LPCAT2: variants seen among roughly 807,000 people sequenced by gnomAD.
LPCAT2 encodes the protein 1-AGP acyltransferase 11.
Under a neutral mutation model 64.7 loss-of-function variants are expected in LPCAT2, and 58 were observed. The ratio of observed to expected loss-of-function variants is 0.90; its 90% CI spans 0.73 to 1.12. The LOEUF (loss-of-function observed/expected upper bound fraction) is 1.12, where lower values mean the gene tolerates loss of function less well. LPCAT2 is among the 50% of genes most tolerant of loss of function. The pLI, the probability that LPCAT2 is intolerant of heterozygous loss-of-function variation, is 0.00. For synonymous variants in LPCAT2, 252 were observed against 245.3 expected (o/e 1.03, Z -0.26); for missense variants, 579 against 669.8 (o/e 0.86, Z 1.50).
chr16:55,557,376 C>T (rs1334840060), intron 11 of LPCAT2, among the ~76,000 whole-genome samples: 1 of 151,400 alleles, frequency 6.6e-6, no homozygotes, highest in East Asian at 1.9e-4. Context: ...CTGAATTGTG[C>T]AATTGATGCC....
chr16:55,528,846 A>T (rs1029302255), intron 3 of LPCAT2, among the ~76,000 whole-genome samples: 2 of 152,180 alleles, frequency 1.3e-5, no homozygotes, highest in Non-Finnish European at 2.9e-5. Flanking sequence ...GTTCTTATAT[A>T]TAGCCAGAAA....
chr16:55,558,688 C>A (rs1299155082), intron 11 of LPCAT2, among the ~76,000 whole-genome samples: 1 of 152,164 alleles, frequency 6.6e-6, no homozygotes, highest in African/African-American at 2.4e-5. Flanking sequence ...GTGTCTGTTA[C>A]AACTATTCAT....
chr16:55,538,005 A>G (rs1195521016), intron 8 of LPCAT2, among the ~76,000 whole-genome samples: 7 of 152,220 alleles, frequency 4.6e-5, no homozygotes, highest in African/African-American at 1.7e-4. Context: ...AAGAGATGCT[A>G]CTTGGGGTCT....
Position 55,584,914 on chromosome 16 carries a change from CAG to C in LPCAT2, c.*1819_*1820del, listed in dbSNP as rs1963927801. 8.3e-6 allele frequency: 1 copy of C among 120,984 alleles called. No individual in the cohort carries two copies. The highest frequency in any genetic ancestry group is 3.1e-5 in the African/African-American group (1 of 32,676). 7.5% of individuals were successfully genotyped at this position (120,984 alleles called of 1,614,324 possible). On this transcript the variant is annotated 3_prime_UTR_variant, in exon 14 of 14. Coordinates refer to ENST00000262134, the MANE Select transcript of LPCAT2 (RefSeq NM_017839.5). ...AGTAATTAGAACAGTACATTTTTAT[CAG>C]AGTGTCTGTCATATGCAATGAATGT... is the stretch of plus-strand genomic sequence containing the variant.
At chr16:55,552,767 C>T (rs1963531681) in intron 11 of LPCAT2, among the ~76,000 whole-genome samples, 1 of 152,192 alleles carries the variant, frequency 6.6e-6, no homozygotes, top group Non-Finnish European at 1.5e-5. Context: ...TGTGAGCAAT[C>T]ATCTGAGCCT....
intron 4 of LPCAT2, among the ~76,000 whole-genome samples, chr16:55,530,542 G>T (rs1963239753): frequency 6.6e-6 from 1 of 152,076 alleles, no homozygotes; most frequent in Admixed American, 6.6e-5. Context: ...GATTCTAATA[G>T]TCACTCCTTT....
intron 11 of LPCAT2, among the ~76,000 whole-genome samples, chr16:55,556,317 AG>A (rs1963573979): frequency 6.6e-6 from 1 of 152,278 alleles, no homozygotes; most frequent in Admixed American, 6.5e-5. Flanking sequence ...CCAGGACAGG[AG>A]ATAGGGAAAT....
chr16:55,549,392 C>T lies in LPCAT2; in HGVS notation c.1051C>T (p.Arg351Ter), dbSNP rs1360979777. ...AGLVEFTKISRKLKLDWDGVR... is the reference protein window; with the variant it reads ...AGLVEFTKIS ...GCTGGTGGAATTTACTAAAATTAGCCGAAAATTGAAGTAAGTGTATTTTAA... is the reference window on the plus strand; with the variant it reads ...GCTGGTGGAATTTACTAAAATTAGCTGAAAATTGAAGTAAGTGTATTTTAA... The change falls in exon 10 of 14, where the codon CGA (arginine) becomes TGA (stop). Residue 351 changes from arginine (R) to a stop codon, truncating the protein, a stop_gained. Coordinates refer to ENST00000262134, the MANE Select transcript of LPCAT2 (RefSeq NM_017839.5). LOFTEE classifies it high-confidence loss of function. 8 of 1,586,604 alleles carry T rather than the reference C, an allele frequency of 5.0e-6. No homozygotes were observed. The highest frequency in any genetic ancestry group is 3.5e-5 in the South Asian group (3 of 85,268).
chr16:55,513,435 G>GA (rs1448165443), intron 1 of LPCAT2, among the ~76,000 whole-genome samples: 1 of 150,982 alleles, frequency 6.6e-6, no homozygotes, highest in East Asian at 1.9e-4. Flanking sequence ...AAAGCAGAAT[G>GA]AAAAAAACTG....
intron 1 of LPCAT2, among the ~76,000 whole-genome samples, chr16:55,511,117 T>G (rs781510529): frequency 1.3e-5 from 2 of 152,178 alleles, no homozygotes; most frequent in Non-Finnish European, 2.9e-5. Context: ...CATTGGAATA[T>G]TAATAACTCA....
At chr16:55,567,331 T>C in intron 11 of LPCAT2, 3 of 1,613,626 alleles carry the variant, frequency 1.9e-6, no homozygotes, top group Non-Finnish European at 1.7e-6. Context: ...CTTTACCAAA[T>C]GATTGTCCGC....
chr16:55,523,083 G>A (rs1234069632), intron 1 of LPCAT2, among the ~76,000 whole-genome samples: 1 of 151,464 alleles, frequency 6.6e-6, no homozygotes, highest in African/African-American at 2.4e-5. Context: ...TTTATATAAG[G>A]AACTCTTGCA....
In LPCAT2 at chr16:55,585,925, G is replaced by A. The variant is rs1023587432; in HGVS notation, c.*2827G>A. 3.3e-5 allele frequency: 5 copies of A among 152,156 alleles called. No individual in the cohort carries two copies. The highest frequency in any genetic ancestry group is 6.6e-5 in the Admixed American group (1 of 15,260). The allele number at this position is 152,156 out of a possible 1,614,324, so 9.4% of individuals were successfully genotyped here. A position where few individuals can be genotyped will look rare whatever the true frequency, so the allele number is the denominator to read the frequency against. On this transcript the variant is annotated 3_prime_UTR_variant, in exon 14 of 14. Transcript: ENST00000262134. ...GCCACTAATTGATGCTCAAATAGAA[G>A]GATATTGACTATATTGGAACAGATG...
intron 10 of LPCAT2, among the ~76,000 whole-genome samples, chr16:55,550,651 C>T (rs1233562706): frequency 6.6e-6 from 1 of 152,104 alleles, no homozygotes; most frequent in East Asian, 1.9e-4. Context: ...CGTGGTGGCT[C>T]ACACCTATAA....
chr16:55,543,415 A>C (rs1963418731), intron 8 of LPCAT2, among the ~76,000 whole-genome samples: 2 of 152,204 alleles, frequency 1.3e-5, no homozygotes, highest in South Asian at 2.1e-4. Context: ...TTATGACCTA[A>C]ATCAAGTGTA....
chr16:55,531,959 AT>A lies in LPCAT2; in HGVS notation c.690del (p.Thr231LeufsTer27). ...EGTCTNRSCL[I>X]TFKPGAFIPG... is the part of the protein sequence containing the mutation. Reference sequence around the variant, plus strand: ...TACTTGTACTAATCGTTCCTGTTTGATTACTTTTAAACCAGGTGAGAAAAAT... The same window carrying A: ...TACTTGTACTAATCGTTCCTGTTTGATACTTTTAAACCAGGTGAGAAAAAT... On this transcript the variant is annotated frameshift_variant, in exon 5 of 14. Coordinates refer to ENST00000262134, the MANE Select transcript of LPCAT2 (RefSeq NM_017839.5). LOFTEE classifies it high-confidence loss of function. 6.3e-7 allele frequency: 1 copy of A among 1,589,504 alleles called. No homozygotes were observed. Among genetic ancestry groups the A allele is most frequent in the Non-Finnish European group, 8.6e-7 (1 of 1,158,630 alleles).
chr16:55,509,128 T>C lies in LPCAT2; in HGVS notation c.-54T>C. 1 of 1,295,632 alleles carries C rather than the reference T, an allele frequency of 7.7e-7. No homozygotes were observed. The highest frequency in any genetic ancestry group is 9.8e-7 in the Non-Finnish European group (1 of 1,016,076). The allele number at this position is 1,295,632 out of a possible 1,614,324, so 80.3% of individuals were successfully genotyped here. On this transcript the variant is annotated 5_prime_UTR_variant, in exon 1 of 14. Coordinates refer to ENST00000262134, the MANE Select transcript of LPCAT2 (RefSeq NM_017839.5). ...CTCTAGTAGGTCTTCGGCTCAGTTTTGGCTGCAGCGCCCGCGTAGATCGCT... is the reference window on the plus strand; with the variant it reads ...CTCTAGTAGGTCTTCGGCTCAGTTTCGGCTGCAGCGCCCGCGTAGATCGCT...
chr16:55,511,749 C>G (rs914053923), intron 1 of LPCAT2, among the ~76,000 whole-genome samples: 7 of 152,204 alleles, frequency 4.6e-5, no homozygotes, highest in Non-Finnish European at 8.8e-5. Flanking sequence ...AAAAAAGTTG[C>G]CTAATATTTT....
chr16:55,546,137 G>A (rs899604166), intron 9 of LPCAT2, among the ~76,000 whole-genome samples: 1 of 152,082 alleles, frequency 6.6e-6, no homozygotes, highest in African/African-American at 2.4e-5. Flanking sequence ...GCCTTGTGAT[G>A]ATCTCAGTGG....
Sources: allele counts gnomAD v4.1 joint callset (sites outside exome capture counted in the v4.1 genomes callset), GRCh38; gene constraint gnomAD v4.1.1; transcripts MANE v1.5; gene names NCBI Gene and HGNC (gene_info 2026-07-23, HGNC 2026-07-21).